Variants in CLSTN2 observed in about 807,000 individuals in gnomAD.
CLSTN2 encodes the protein calsyntenin 2.
In CLSTN2, 48 loss-of-function variants were observed where a neutral mutation model predicts 101.2. The ratio of observed to expected loss-of-function variants is 0.47; its 90% CI spans 0.38 to 0.60. The LOEUF is 0.60. CLSTN2 is among the 20% of genes least tolerant of loss of function. The pLI is 0.00. For synonymous variants in CLSTN2, 481 were observed against 463.6 expected (o/e 1.04, Z -0.48); for missense variants, 1,160 against 1,238.2 (o/e 0.94, Z 0.95).
In CLSTN2 at chr3:140,157,822, G is replaced by A. The variant is rs118044560; in HGVS notation, c.110-18129G>A. On this transcript the variant is annotated intron_variant, in intron 1 of 16. Coordinates refer to ENST00000458420, the MANE Select transcript of CLSTN2 (RefSeq NM_022131.3). Reference sequence around the variant, plus strand: ...ATAAAAGCTAATACACCATGATCAAGTAAGCTTTATTCCTGGGATGCAAGG... The same window carrying A: ...ATAAAAGCTAATACACCATGATCAAATAAGCTTTATTCCTGGGATGCAAGG... 6.8e-4 allele frequency among the ~76,000 whole-genome samples: 103 copies of A among 152,276 alleles called. No homozygotes were observed. In the East Asian group the frequency reaches 0.017, roughly 25 times the overall value.
chr3:140,313,572 A>G (rs938955829), intron 2 of CLSTN2, among the ~76,000 whole-genome samples: 1 of 152,170 alleles, frequency 6.6e-6, no homozygotes, highest in Non-Finnish European at 1.5e-5. Flanking sequence ...ACTGCTTTGG[A>G]AGACTCACAA....
intron 2 of CLSTN2, among the ~76,000 whole-genome samples, chr3:140,186,376 G>T (rs1267763205): frequency 6.6e-6 from 1 of 152,284 alleles, no homozygotes; most frequent in East Asian, 1.9e-4. Flanking sequence ...AATTTTTAAG[G>T]TTAATGGTTT....
At chr3:139,993,932 G>A (rs890124954) in intron 1 of CLSTN2, among the ~76,000 whole-genome samples, 3 of 152,174 alleles carry the variant, frequency 2.0e-5, no homozygotes, top group South Asian at 2.1e-4. Flanking sequence ...TGGAAGTAGG[G>A]CCAGTCCTTG....
intron 2 of CLSTN2, among the ~76,000 whole-genome samples, chr3:140,314,012 T>C (rs1184142076): frequency 6.6e-6 from 1 of 152,144 alleles, no homozygotes; most frequent in Non-Finnish European, 1.5e-5. Context: ...TTCAAGGAAA[T>C]GATGTGCTTT....
chr3:140,135,646 A>G (rs574639626), intron 1 of CLSTN2, among the ~76,000 whole-genome samples: 2 of 152,194 alleles, frequency 1.3e-5, no homozygotes, highest in South Asian at 2.1e-4. Flanking sequence ...GAGAGGATCT[A>G]TAGTGGAGCA....
intron 2 of CLSTN2, among the ~76,000 whole-genome samples, chr3:140,226,551 T>C (rs1162716654): frequency 6.6e-6 from 1 of 152,228 alleles, no homozygotes; most frequent in Non-Finnish European, 1.5e-5. Context: ...AGAATTCTTT[T>C]AATTTTTCTC....
At chr3:140,415,868 A>G (rs1244907022) in intron 4 of CLSTN2, among the ~76,000 whole-genome samples, 1 of 152,208 alleles carries the variant, frequency 6.6e-6, no homozygotes, top group Non-Finnish European at 1.5e-5. Flanking sequence ...ATAGGGGGAA[A>G]ATAATCCAGT....
chr3:140,057,352 C>T (rs1368595930), intron 1 of CLSTN2, among the ~76,000 whole-genome samples: 3 of 152,210 alleles, frequency 2.0e-5, no homozygotes, highest in Non-Finnish European at 4.4e-5. Context: ...TTTGCAATAG[C>T]AGATGTTTTA....
intron 8 of CLSTN2, among the ~76,000 whole-genome samples, chr3:140,491,064 T>TA (rs1185845694): frequency 1.3e-5 from 2 of 152,226 alleles, no homozygotes; most frequent in Admixed American, 6.5e-5. Flanking sequence ...TAAAGCTTTT[T>TA]ATCTGTGGAG....
At chr3:140,335,998 A>C (rs1356133850) in intron 2 of CLSTN2, among the ~76,000 whole-genome samples, 5 of 152,120 alleles carry the variant, frequency 3.3e-5, no homozygotes, top group Non-Finnish European at 2.9e-5. Flanking sequence ...GACACCAGAA[A>C]ATTGCTCTTT....
At chr3:140,314,116 A>G (rs1191894628) in intron 2 of CLSTN2, among the ~76,000 whole-genome samples, 2 of 152,200 alleles carry the variant, frequency 1.3e-5, no homozygotes, top group Admixed American at 6.5e-5. Context: ...GTCTCATGCA[A>G]TCATCACAAC....
chr3:140,141,367 A>G (rs187296396), intron 1 of CLSTN2, among the ~76,000 whole-genome samples: 4 of 152,282 alleles, frequency 2.6e-5, no homozygotes, highest in Admixed American at 2.0e-4. Flanking sequence ...CCATCAGCAG[A>G]AGTGGGTGGT....
chr3:140,025,846 A>G (rs2007408794), intron 1 of CLSTN2, among the ~76,000 whole-genome samples: 1 of 152,208 alleles, frequency 6.6e-6, no homozygotes, highest in African/African-American at 2.4e-5. Flanking sequence ...CGATGGAGAC[A>G]GAAGCAGCTC....
At chr3:140,296,543 T>C (rs2087005950) in intron 2 of CLSTN2, among the ~76,000 whole-genome samples, 1 of 152,230 alleles carries the variant, frequency 6.6e-6, no homozygotes, top group South Asian at 2.1e-4. Flanking sequence ...TTTTCATGGA[T>C]TGCCTAATTC....
Position 140,491,409 on chromosome 3 carries a change from T to G in CLSTN2, c.1344+24678T>G, listed in dbSNP as rs569079994. Among the ~76,000 whole-genome samples the G allele has an allele frequency of 1.0e-4, 16 of 152,386 alleles. No individual in the cohort carries two copies. In the South Asian group the frequency reaches 2.1e-3, roughly 20 times the overall value. The stretch of plus-strand genomic sequence containing the variant: ...TACCAGCAATGACATTAGAGAGAGA[T>G]ATTAGAAATACTTGAATGAACTTTT... On this transcript the variant is annotated intron_variant, in intron 8 of 16. Transcript: ENST00000458420.
chr3:140,131,615 T>C (rs1223054819), intron 1 of CLSTN2, among the ~76,000 whole-genome samples: 1 of 152,198 alleles, frequency 6.6e-6, no homozygotes, highest in Non-Finnish European at 1.5e-5. Context: ...TGATTTTAAC[T>C]ACTTCTAGAG....
intron 5 of CLSTN2, among the ~76,000 whole-genome samples, chr3:140,442,037 C>A (rs563305965): frequency 2.2e-4 from 33 of 152,286 alleles, no homozygotes; most frequent in African/African-American, 7.7e-4. Flanking sequence ...CTGGAGTTCT[C>A]TTCTAGTCCA....
chr3:140,226,806 C>T (rs991082050), intron 2 of CLSTN2, among the ~76,000 whole-genome samples: 10 of 152,174 alleles, frequency 6.6e-5, no homozygotes, highest in Admixed American at 1.3e-4. Flanking sequence ...AGGAGCAAGT[C>T]GTGTCTTATA....
rs182476708 is a variant in CLSTN2, at chr3:140,370,639, G to A, written c.233-32990G>A. Among the ~76,000 whole-genome samples the A allele has an allele frequency of 5.8e-4, 89 of 152,156 alleles. 1 individual carries two copies. The highest frequency in any genetic ancestry group is 1.8e-3 in the African/African-American group (73 of 41,506). On this transcript the variant is annotated intron_variant, in intron 2 of 16. Coordinates refer to ENST00000458420, the MANE Select transcript of CLSTN2 (RefSeq NM_022131.3). ...TGGTCTGAGAGAACTTTATTTACTCGGCATGCCCTCACCCTAGGCAGTCTG... is the reference window on the plus strand; with the variant it reads ...TGGTCTGAGAGAACTTTATTTACTCAGCATGCCCTCACCCTAGGCAGTCTG...
Sources: allele counts gnomAD v4.1 joint callset (sites outside exome capture counted in the v4.1 genomes callset), GRCh38; gene constraint gnomAD v4.1.1; transcripts MANE v1.5; gene names NCBI Gene and HGNC (gene_info 2026-07-23, HGNC 2026-07-21).